Variants in SERTAD2 observed in about 807,000 individuals in gnomAD.
SERTAD2 encodes SERTA domain-containing protein 2.
A neutral mutation model predicts 15.4 loss-of-function variants in SERTAD2; 2 were observed. The ratio of observed to expected loss-of-function variants is 0.13; its 90% CI spans 0.05 to 0.41. The LOEUF is 0.41. Among genes scored for constraint, SERTAD2 ranks in the 10% least tolerant of loss-of-function variants. The pLI, the probability that SERTAD2 is intolerant of heterozygous loss-of-function variation, is 0.99. For missense variants in SERTAD2, 333 were observed against 409.7 expected (o/e 0.81, Z 1.62); for synonymous variants, 180 against 178.0 (o/e 1.01, Z -0.09).
chr2:64,641,209 C>G (rs1002493719), intron 1 of SERTAD2, among the ~76,000 whole-genome samples: 1 of 152,170 alleles, frequency 6.6e-6, no homozygotes, highest in Non-Finnish European at 1.5e-5. Context: ...TCAAAAGCTA[C>G]AATCTGGGTA....
At chr2:64,643,897 A>C (rs1259891883) in intron 1 of SERTAD2, among the ~76,000 whole-genome samples, 3 of 152,036 alleles carry the variant, frequency 2.0e-5, no homozygotes, top group East Asian at 1.9e-4. Flanking sequence ...AACAAAAAAA[A>C]CACCAAGCTG....
At chr2:64,643,353 T>C (rs137948462) in intron 1 of SERTAD2, among the ~76,000 whole-genome samples, 3 of 152,368 alleles carry the variant, frequency 2.0e-5, no homozygotes, top group Non-Finnish European at 2.9e-5. Flanking sequence ...CTACAGTGTC[T>C]GCCGTGGTGT....
At chr2:64,646,960 T>C (rs539363522) in intron 1 of SERTAD2, among the ~76,000 whole-genome samples, 30 of 152,368 alleles carry the variant, frequency 2.0e-4, no homozygotes, top group Admixed American at 3.9e-4. Flanking sequence ...CCAGTATAGA[T>C]AGACGCCTTT....
chr2:64,653,398 A>T (rs1675056594), intron 1 of SERTAD2, among the ~76,000 whole-genome samples: 1 of 136,238 alleles, frequency 7.3e-6, no homozygotes, highest in East Asian at 2.4e-4. Context: ...CTCAGCCCGC[A>T]GGCGCCGGGG....
At position 64,636,177 on chromosome 2, in the gene SERTAD2, G is replaced by A. The variant is rs778929323; in HGVS notation, c.695C>T (p.Thr232Met). The A allele has an allele frequency of 2.1e-5, 34 of 1,614,052 alleles. No individual in the cohort carries two copies. In the East Asian group the frequency reaches 3.6e-4, roughly 17 times the overall value. ...MDSLPGNFEITTSTGFLTDLT... is the reference protein window; with the variant it reads ...MDSLPGNFEIMTSTGFLTDLT... ...GTCTGTCAGGAAACCCGTGGACGTCGTTATTTCAAAATTCCCAGGCAGAGA... is the reference window on the plus strand; with the variant it reads ...GTCTGTCAGGAAACCCGTGGACGTCATTATTTCAAAATTCCCAGGCAGAGA... Residue 232 changes from threonine (T) to methionine (M), a missense_variant, in exon 2 of 2, where the codon ACG becomes ATG. Thr to Met is a moderately conservative substitution (Grantham distance 81). Coordinates refer to ENST00000313349, the MANE Select transcript of SERTAD2 (RefSeq NM_014755.3).
Position 64,636,400 on chromosome 2 carries a change from A to C in SERTAD2, c.472T>G (p.Ser158Ala). The change falls in exon 2 of 2, where the codon TCA becomes GCA. Residue 158 changes from serine (S) to alanine (A), a missense_variant. This residue lies in a region of SERTAD2 where 332 missense variants were observed against 392.9 expected (regional missense o/e 0.84). Coordinates refer to ENST00000313349, the MANE Select transcript of SERTAD2 (RefSeq NM_014755.3). ...TTTTCTGGCAAGAGGGCTGGAGGTG[A>C]CAGTTTGGTGGGAGCCGTGGGCTGC... ...AMQPTAPTKL[S>A]PPALLPEKDS... is the part of the protein sequence containing the mutation. 6.2e-7 allele frequency: 1 copy of C among 1,614,152 alleles called. No individual in the cohort carries two copies. The highest frequency in any genetic ancestry group is 8.5e-7 in the Non-Finnish European group (1 of 1,180,026).
At chr2:64,636,967 A>C in intron 1 of SERTAD2, 92 bp from the exon 2 acceptor site, 1 of 909,730 alleles carries the variant, frequency 1.1e-6, no homozygotes, top group Non-Finnish European at 1.7e-6. Context: ...CAGGACTTGG[A>C]CCTCAGTTTC....
intron 1 of SERTAD2, among the ~76,000 whole-genome samples, chr2:64,643,218 T>C (rs1674813447): frequency 6.6e-6 from 1 of 152,268 alleles, no homozygotes. Context: ...CAAGAGCTTT[T>C]TCCAATTTCC....
intron 1 of SERTAD2, among the ~76,000 whole-genome samples, chr2:64,652,923 T>C (rs1675044706): frequency 2.6e-5 from 4 of 152,184 alleles, no homozygotes; most frequent in Admixed American, 2.6e-4. Context: ...CCCCCTCTCT[T>C]ACTGGTACAA....
chr2:64,643,489 C>A (rs1674821416), intron 1 of SERTAD2, among the ~76,000 whole-genome samples: 1 of 152,174 alleles, frequency 6.6e-6, no homozygotes, highest in African/African-American at 2.4e-5. Flanking sequence ...TCTACATGCA[C>A]GCTATACTTC....
At chr2:64,650,031 T>C (rs1324002280) in intron 1 of SERTAD2, among the ~76,000 whole-genome samples, 3 of 152,198 alleles carry the variant, frequency 2.0e-5, no homozygotes, top group African/African-American at 7.2e-5. Flanking sequence ...TTAGGTGATC[T>C]TGGGTTTCCA....
rs185750711 is a variant in SERTAD2 at position 64,635,815 on chromosome 2, T to C, written c.*112A>G. On this transcript the variant is annotated 3_prime_UTR_variant, in exon 2 of 2. Transcript: ENST00000313349. ...AACTAGTGTGATCCTGTTGTAAAAT[T>C]TTCTTTTTCTCTGAAAAAGGCAAGC... 4.8e-4 allele frequency: 397 copies of C among 832,076 alleles called. No individual in the cohort carries two copies. In the African/African-American group the frequency reaches 6.3e-3, roughly 13 times the overall value. 51.5% of individuals were successfully genotyped at this position (832,076 alleles called of 1,614,324 possible). A position where few individuals can be genotyped will look rare whatever the true frequency, so the allele number is the denominator to read the frequency against.
Position 64,645,392 on chromosome 2 carries a change from G to GAAA in SERTAD2, c.-5+8225_-5+8227dup, listed in dbSNP as rs11405113. 1.0e-4 allele frequency among the ~76,000 whole-genome samples: 15 copies of GAAA among 149,784 alleles called. No homozygotes were observed. The East Asian group carries it at 1.8e-3, about 17-fold the overall frequency. ...TCTTGACAGTGAAGAAGAAGAAGAA[G>GAAA]AAAAAAAAAGCCTGACGATACACTG... On this transcript the variant is annotated intron_variant, in intron 1 of 1. Transcript: ENST00000313349.
At chr2:64,646,396 G>A (rs940804808) in intron 1 of SERTAD2, 1 of 151,664 alleles carries the variant, frequency 6.6e-6, no homozygotes, top group Admixed American at 6.6e-5. Context: ...ATATTAATTT[G>A]ATAGGGTTTT....
intron 1 of SERTAD2, among the ~76,000 whole-genome samples, chr2:64,651,701 A>C (rs1675012920): frequency 2.0e-5 from 3 of 152,224 alleles, no homozygotes. Flanking sequence ...CTAAATCTGA[A>C]TTAATATCCT....
At position 64,636,576 on chromosome 2, in the gene SERTAD2, C is replaced by T. The variant is rs1012404521; in HGVS notation, c.296G>A (p.Ser99Asn). ...SSQPTTEPSD[S>N]YREAPPAFSH... ...GAAGGCCGGCGGGGCCTCTCGGTAG[C>T]TGTCGCTGGGCTCGGTGGTGGGCTG... The change falls in exon 2 of 2, where the codon AGC becomes AAC. Residue 99 changes from serine (S) to asparagine (N), a missense_variant. Transcript: ENST00000313349. 2.5e-6 allele frequency: 4 copies of T among 1,598,244 alleles called. No individual in the cohort carries two copies. The African/African-American group carries it at 4.0e-5, about 16-fold the overall frequency.
At chr2:64,649,336 G>A (rs1367780934) in intron 1 of SERTAD2, among the ~76,000 whole-genome samples, 1 of 152,236 alleles carries the variant, frequency 6.6e-6, no homozygotes, top group Non-Finnish European at 1.5e-5. Flanking sequence ...GCTAAAGGCT[G>A]ATCTGGAGCA....
At chr2:64,641,732 G>T (rs1027028405) in intron 1 of SERTAD2, among the ~76,000 whole-genome samples, 3 of 152,218 alleles carry the variant, frequency 2.0e-5, no homozygotes, top group African/African-American at 7.2e-5. Context: ...CCTCGGAGTT[G>T]AACGGTTTTA....
Position 64,636,523 on chromosome 2 carries a change from G to T in SERTAD2, c.349C>A (p.Pro117Thr). The T allele has an allele frequency of 6.2e-7, 1 of 1,604,484 alleles. No homozygotes were observed. The highest frequency in any genetic ancestry group is 8.5e-7 in the Non-Finnish European group (1 of 1,173,690). The change falls in exon 2 of 2, where the codon CCC (proline) becomes ACC (threonine). Residue 117 changes from proline (P) to threonine (T), a missense_variant. Coordinates refer to ENST00000313349, the MANE Select transcript of SERTAD2 (RefSeq NM_014755.3). ...FSHLASPSSH[P>T]CDLGSTTPLE... ...GGCGTAGTGCTTCCGAGGTCGCAGGGGTGGGAGGACGGGGACGCCAGGTGG... is the reference window on the plus strand; with the variant it reads ...GGCGTAGTGCTTCCGAGGTCGCAGGTGTGGGAGGACGGGGACGCCAGGTGG...
Sources: gnomAD v4.1 joint callset for allele counts (sites outside exome capture counted in the v4.1 genomes callset) on GRCh38, gnomAD v4.1.1 for gene constraint, gnomAD v4.1.1 regional missense constraint, MANE v1.5 for transcripts, NCBI Gene and HGNC (gene_info 2026-07-23, HGNC 2026-07-21) for gene names.